Variants in FAR2 observed in about 807,000 individuals in gnomAD.
FAR2 encodes fatty acyl-CoA reductase 2.
Under a neutral mutation model 56.0 loss-of-function variants are expected in FAR2, and 19 were observed. The ratio of observed to expected loss-of-function variants is 0.34; its 90% confidence interval spans 0.24 to 0.50. The LOEUF is 0.50. FAR2 is among the 20% of genes least tolerant of loss of function. FAR2 has a pLI of 0.98. For synonymous variants in FAR2, 219 were observed against 218.8 expected, an observed-to-expected ratio of 1.00 and a Z score of -0.01; for missense variants, 508 against 642.2, an observed-to-expected ratio of 0.79 and a Z score of 2.26.
At chr12:29,172,734 C>G (rs908511204) in intron 1 of FAR2, among the ~76,000 whole-genome samples, 2 of 152,174 alleles carry the variant, frequency 1.3e-5, no homozygotes, top group African/African-American at 4.8e-5. Flanking sequence ...AGTATATTTT[C>G]TTAAGGCCTC....
chr12:29,271,788 C>A (rs1386532445), intron 2 of FAR2, among the ~76,000 whole-genome samples: 1 of 152,210 alleles, frequency 6.6e-6, no homozygotes, highest in East Asian at 1.9e-4. Flanking sequence ...ATCCAAAGGT[C>A]TTTTCACACC....
intron 1 of FAR2, among the ~76,000 whole-genome samples, chr12:29,159,810 ATC>A (rs1383021174): frequency 6.6e-6 from 1 of 152,196 alleles, no homozygotes; most frequent in Non-Finnish European, 1.5e-5. Context: ...TTAAGTGCTA[ATC>A]CTTGTGGGGA....
At chr12:29,286,548 G>A (rs1395647474) in intron 2 of FAR2, among the ~76,000 whole-genome samples, 1 of 152,082 alleles carries the variant, frequency 6.6e-6, no homozygotes, top group Non-Finnish European at 1.5e-5. Flanking sequence ...TCTTAAGTTT[G>A]GTCTCCATCT....
At chr12:29,211,429 T>C (rs1429925535) in intron 1 of FAR2, among the ~76,000 whole-genome samples, 1 of 152,234 alleles carries the variant, frequency 6.6e-6, no homozygotes, top group African/African-American at 2.4e-5. Flanking sequence ...TACATTATTA[T>C]ATTTGACCGA....
chr12:29,171,116 G>A (rs1019071026), intron 1 of FAR2, among the ~76,000 whole-genome samples: 3 of 152,250 alleles, frequency 2.0e-5, no homozygotes, highest in African/African-American at 7.2e-5. Flanking sequence ...GATGGTAACA[G>A]ACCTTGAGGA....
At chr12:29,242,787 A>G (rs1169512837) in intron 1 of FAR2, among the ~76,000 whole-genome samples, 1 of 152,212 alleles carries the variant, frequency 6.6e-6, no homozygotes, top group East Asian at 1.9e-4. Flanking sequence ...TCTTTTCTAC[A>G]TTTGGATACT....
intron 1 of FAR2, among the ~76,000 whole-genome samples, chr12:29,159,521 GA>G (rs10623094): frequency 0.18 from 24,916 of 139,716 alleles, 2,320 homozygotes; most frequent in South Asian, 0.29. Flanking sequence ...CTCTGTCTCG[GA>G]AAAAAAAAAA....
At chr12:29,332,524 AG>A in intron 10 of FAR2, 75 bp from the exon 11 acceptor site, 1 of 1,592,918 alleles carries the variant, frequency 6.3e-7, no homozygotes, top group Non-Finnish European at 8.5e-7. Flanking sequence ...TCGTCTATGT[AG>A]AAGAAACCTC....
intron 1 of FAR2, among the ~76,000 whole-genome samples, chr12:29,211,222 C>T (rs527810896): frequency 2.0e-5 from 3 of 151,958 alleles, no homozygotes; most frequent in South Asian, 2.1e-4. Flanking sequence ...ACCTGGGAAG[C>T]GGAGGTTGTA....
intron 1 of FAR2, among the ~76,000 whole-genome samples, chr12:29,158,030 A>G (rs1209103318): frequency 6.6e-6 from 1 of 152,260 alleles, no homozygotes; most frequent in East Asian, 1.9e-4. Flanking sequence ...ACATAGTTTT[A>G]GCATCTTAAA....
At chr12:29,254,858 C>T (rs888972042) in intron 1 of FAR2, among the ~76,000 whole-genome samples, 2 of 150,816 alleles carry the variant, frequency 1.3e-5, no homozygotes, top group African/African-American at 4.9e-5. Context: ...GAGGCTGAGG[C>T]ATGAGAATCA....
At chr12:29,191,180 T>TAG (rs1950100247) in intron 1 of FAR2, among the ~76,000 whole-genome samples, 1 of 152,194 alleles carries the variant, frequency 6.6e-6, no homozygotes, top group South Asian at 2.1e-4. Flanking sequence ...GGGACTTCTT[T>TAG]CCCTTCCTAA....
At chr12:29,306,958 A>G (rs2136780536) in intron 4 of FAR2, among the ~76,000 whole-genome samples, 1 of 152,336 alleles carries the variant, frequency 6.6e-6, no homozygotes, top group Admixed American at 6.5e-5. Context: ...TAGGTTTGCT[A>G]AAACAGACTG....
At chr12:29,259,980 G>A (rs1948389035) in intron 1 of FAR2, among the ~76,000 whole-genome samples, 1 of 152,126 alleles carries the variant, frequency 6.6e-6, no homozygotes. Context: ...TATGAAAGGA[G>A]GCCATGACCC....
intron 1 of FAR2, among the ~76,000 whole-genome samples, chr12:29,221,063 A>G (rs951293881): frequency 6.6e-6 from 1 of 151,938 alleles, no homozygotes; most frequent in African/African-American, 2.4e-5. Context: ...TTGAGGCATG[A>G]AGTGAGCGTG....
chr12:29,332,822 C>A, intron 11 of FAR2, 95 bp downstream of exon 11: 1 of 1,235,892 alleles, frequency 8.1e-7, no homozygotes. Flanking sequence ...ATGAACATTT[C>A]TTGAGCATTT....
At chr12:29,288,414 AT>A (rs1347689198) in intron 2 of FAR2, among the ~76,000 whole-genome samples, 3 of 152,050 alleles carry the variant, frequency 2.0e-5, no homozygotes, top group Non-Finnish European at 4.4e-5. Flanking sequence ...AAATAATTAT[AT>A]TGTTCTTTAT....
chr12:29,189,795 ATAAC>A (rs1565686576), intron 1 of FAR2, among the ~76,000 whole-genome samples: 5 of 152,342 alleles, frequency 3.3e-5, no homozygotes, highest in African/African-American at 1.2e-4. Flanking sequence ...ACAAAAAGGG[ATAAC>A]TAACTGTTCC....
intron 2 of FAR2, chr12:29,291,555 G>C (rs1241684666): frequency 2.3e-6 from 1 of 432,664 alleles, no homozygotes; most frequent in Non-Finnish European, 4.6e-6. Context: ...AAATCAATTG[G>C]GGGACTTGGT....
Sources: gnomAD v4.1 joint callset for allele counts (sites outside exome capture counted in the v4.1 genomes callset) on GRCh38, gnomAD v4.1.1 for gene constraint, MANE v1.5 for transcripts, NCBI Gene and HGNC (gene_info 2026-07-23, HGNC 2026-07-21) for gene names.